The following FRS2 variants were observed in gnomAD, a reference collection of about 807,000 sequenced individuals.
FRS2 encodes the protein fibroblast growth factor receptor substrate 2, also known as FGFR signalling adaptor.
A neutral mutation model predicts 43.9 loss-of-function variants in FRS2; 8 were observed. The observed-to-expected ratio is 0.18, with a 90% CI of 0.11 to 0.33. The LOEUF is 0.33. FRS2 is among the 10% of genes least tolerant of loss of function. The pLI is 1.00. For missense variants in FRS2, 534 were observed against 627.6 expected, an observed-to-expected ratio of 0.85 and a Z score of 1.59; for synonymous variants, 219 against 220.3, an observed-to-expected ratio of 0.99 and a Z score of 0.05.
chr12:69,521,773 C>T (rs942291471), intron 1 of FRS2, among the ~76,000 whole-genome samples: 4 of 152,082 alleles, frequency 2.6e-5, no homozygotes, highest in Non-Finnish European at 5.9e-5. Context: ...CGCCACCGCA[C>T]CTGGCTAATT....
At chr12:69,519,128 T>C (rs1021617877) in intron 1 of FRS2, among the ~76,000 whole-genome samples, 1 of 152,186 alleles carries the variant, frequency 6.6e-6, no homozygotes, top group South Asian at 2.1e-4. Context: ...AGGAAGTTAA[T>C]GGACTGGGTG....
intron 8 of FRS2, among the ~76,000 whole-genome samples, chr12:69,573,404 A>G (rs952069237): frequency 6.6e-6 from 1 of 152,032 alleles, no homozygotes; most frequent in Admixed American, 6.6e-5. Context: ...TTTGTTCCTG[A>G]TTTTTATTTT....
intron 1 of FRS2, among the ~76,000 whole-genome samples, chr12:69,479,408 CT>C (rs1265634240): frequency 1.1e-5 from 1 of 88,466 alleles, no homozygotes; most frequent in South Asian, 3.7e-4. Flanking sequence ...TTTTTTTTTT[CT>C]TTTTTTTTGA....
intron 1 of FRS2, among the ~76,000 whole-genome samples, chr12:69,482,035 A>G (rs1460751898): frequency 1.3e-5 from 2 of 151,306 alleles, no homozygotes; most frequent in African/African-American, 4.8e-5. Context: ...GTGTAGTAAT[A>G]ATATACCTTA....
At chr12:69,505,001 T>TTTGTA (rs1023781918) in intron 1 of FRS2, among the ~76,000 whole-genome samples, 30 of 152,176 alleles carry the variant, frequency 2.0e-4, no homozygotes, top group East Asian at 7.7e-4. Flanking sequence ...GCTGGGCTAA[T>TTTGTA]TTGTATTGTA....
At chr12:69,513,547 AGAG>A (rs1353428396) in intron 1 of FRS2, among the ~76,000 whole-genome samples, 3 of 152,216 alleles carry the variant, frequency 2.0e-5, no homozygotes, top group East Asian at 1.9e-4. Context: ...GAAATCTGGC[AGAG>A]GAGGAGGAGT....
chr12:69,554,282 T>C (rs1450958659), intron 3 of FRS2, among the ~76,000 whole-genome samples: 3 of 152,306 alleles, frequency 2.0e-5, no homozygotes, highest in East Asian at 3.9e-4. Context: ...AAAAATCCTT[T>C]TCATTCTACC....
chr12:69,525,197 T>G (rs891803877), intron 1 of FRS2, among the ~76,000 whole-genome samples: 1 of 152,126 alleles, frequency 6.6e-6, no homozygotes, highest in African/African-American at 2.4e-5. Flanking sequence ...ATATTGTTTT[T>G]TTTTTTTTTA....
intron 1 of FRS2, among the ~76,000 whole-genome samples, chr12:69,519,863 T>C (rs1484375082): frequency 6.6e-6 from 1 of 152,238 alleles, no homozygotes; most frequent in East Asian, 1.9e-4. Context: ...AGTGTTGCAG[T>C]GATCATATAT....
intron 1 of FRS2, among the ~76,000 whole-genome samples, chr12:69,489,325 T>C (rs984833748): frequency 3.3e-5 from 5 of 152,154 alleles, no homozygotes; most frequent in Admixed American, 6.6e-5. Flanking sequence ...CTTGGTTCTT[T>C]TTTTTGCACC....
At chr12:69,481,244 A>G (rs995245091) in intron 1 of FRS2, among the ~76,000 whole-genome samples, 18 of 151,814 alleles carry the variant, frequency 1.2e-4, no homozygotes, top group Non-Finnish European at 1.6e-4. Context: ...TTCTCTTAAG[A>G]TAATCACAGT....
chr12:69,485,384 G>A (rs1016865520), intron 1 of FRS2, among the ~76,000 whole-genome samples: 5 of 152,010 alleles, frequency 3.3e-5, no homozygotes, highest in African/African-American at 9.6e-5. Flanking sequence ...GGGTTTCACC[G>A]TGTTAGCCAG....
At chr12:69,530,113 C>G (rs1453681234) in intron 1 of FRS2, among the ~76,000 whole-genome samples, 5 of 151,962 alleles carry the variant, frequency 3.3e-5, no homozygotes, top group African/African-American at 1.2e-4. Context: ...CTGTGGTTTA[C>G]ATTGTAGTTA....
chr12:69,543,248 A>G (rs1261753070), intron 3 of FRS2, among the ~76,000 whole-genome samples: 1 of 152,264 alleles, frequency 6.6e-6, no homozygotes, highest in African/African-American at 2.4e-5. Flanking sequence ...ACATATGTTA[A>G]TAAGTAAAAA....
chr12:69,556,815 G>A (rs1008521543), intron 3 of FRS2, among the ~76,000 whole-genome samples: 1 of 152,026 alleles, frequency 6.6e-6, no homozygotes, highest in Non-Finnish European at 1.5e-5. Flanking sequence ...TTTAAATTTT[G>A]TTGTTTTAAA....
chr12:69,524,703 C>T (rs1876026683), intron 1 of FRS2, among the ~76,000 whole-genome samples: 4 of 152,140 alleles, frequency 2.6e-5, no homozygotes, highest in African/African-American at 7.2e-5. Context: ...GAATGGGCAT[C>T]CCTGGCCGTG....
intron 1 of FRS2, among the ~76,000 whole-genome samples, chr12:69,506,267 GTTTT>G (rs1380346766): frequency 6.6e-6 from 1 of 151,852 alleles, no homozygotes; most frequent in African/African-American, 2.4e-5. Context: ...GTTTGTTTTT[GTTTT>G]TTGTTTTTTG....
chr12:69,534,485 C>T (rs1290547395), intron 3 of FRS2, among the ~76,000 whole-genome samples: 1 of 152,194 alleles, frequency 6.6e-6, no homozygotes, highest in African/African-American at 2.4e-5. Flanking sequence ...AACCTCTCCT[C>T]TCTCCCCCAA....
At chr12:69,548,601 T>C (rs970800258) in intron 3 of FRS2, among the ~76,000 whole-genome samples, 5 of 152,192 alleles carry the variant, frequency 3.3e-5, no homozygotes, top group African/African-American at 1.2e-4. Flanking sequence ...AATTACTGTA[T>C]TGAAAACATC....
Sources: allele counts gnomAD v4.1 joint callset (sites outside exome capture counted in the v4.1 genomes callset), GRCh38; gene constraint gnomAD v4.1.1; transcripts MANE v1.5; gene names NCBI Gene and HGNC (gene_info 2026-07-23, HGNC 2026-07-21).